KDM4B: variants seen among roughly 807,000 people sequenced by gnomAD.
KDM4B encodes the protein lysine demethylase 4B.
Under a neutral mutation model 125.2 loss-of-function variants are expected in KDM4B, and 32 were observed. The observed-to-expected ratio is 0.26, with a 90% CI of 0.19 to 0.34. KDM4B has a LOEUF of 0.34. Among genes scored for constraint, KDM4B ranks in the 10% least tolerant of loss-of-function variants. The probability of loss-of-function intolerance (pLI) is 1.00; values close to 1 mark genes in which losing one functional copy is unlikely to be tolerated. For synonymous variants in KDM4B, 721 were observed against 677.9 expected, an observed-to-expected ratio of 1.06 and a Z score of -0.99; for missense variants, 1,190 against 1,577.7, an observed-to-expected ratio of 0.75 and a Z score of 4.16.
At chr19:5,033,553 C>T (rs1168861283) in intron 3 of KDM4B, among the ~76,000 whole-genome samples, 1 of 151,564 alleles carries the variant, frequency 6.6e-6, no homozygotes, top group Non-Finnish European at 1.5e-5. Flanking sequence ...GCGCTCCTGC[C>T]CCGGCAGCAG....
At chr19:5,050,871 G>T (rs949355452) in intron 6 of KDM4B, among the ~76,000 whole-genome samples, 1 of 152,210 alleles carries the variant, frequency 6.6e-6, no homozygotes, top group Admixed American at 6.5e-5. Flanking sequence ...CTGCACTCCA[G>T]CCTGGGCGAC....
At chr19:5,056,013 C>T (rs1413237427) in intron 6 of KDM4B, among the ~76,000 whole-genome samples, 2 of 152,184 alleles carry the variant, frequency 1.3e-5, no homozygotes, top group Admixed American at 6.5e-5. Flanking sequence ...TGAACCCATC[C>T]GGGTCCCACG....
At chr19:5,083,359 GT>G (rs983661448) in intron 9 of KDM4B, among the ~76,000 whole-genome samples, 2 of 152,198 alleles carry the variant, frequency 1.3e-5, no homozygotes, top group Non-Finnish European at 2.9e-5. Flanking sequence ...CTGCCTTGGG[GT>G]CCCAGTGACG....
At position 4,988,282 on chromosome 19, in the gene KDM4B, T is replaced by A. The variant is rs142813270; in HGVS notation, c.-109+19052T>A. 3.3e-5 allele frequency among the ~76,000 whole-genome samples: 5 copies of A among 152,214 alleles called. No homozygotes were observed. In the East Asian group the frequency reaches 7.7e-4, roughly 24 times the overall value. Reference sequence around the variant, plus strand: ...CAGCCTTCTCATGAACCCTTCTTTTTTTTTCTTTTTTGAGACGGAGTCTTG... The same window carrying A: ...CAGCCTTCTCATGAACCCTTCTTTTATTTTCTTTTTTGAGACGGAGTCTTG... On this transcript the variant is annotated intron_variant, in intron 1 of 22. Coordinates refer to ENST00000159111, the MANE Select transcript of KDM4B (RefSeq NM_015015.3).
chr19:5,132,099 T>C (rs2039568615), intron 13 of KDM4B, 92 bp downstream of exon 13: 1 of 1,417,916 alleles, frequency 7.1e-7, no homozygotes, highest in Admixed American at 2.6e-5. Context: ...GCGGCTTCCT[T>C]CCCCCACTTC....
In KDM4B at chr19:5,003,887, CTG is replaced by C. The variant is rs531781045; in HGVS notation, c.-108-12366_-108-12365del. 4.1e-3 allele frequency among the ~76,000 whole-genome samples: 620 copies of C among 152,266 alleles called. 4 individuals carry two copies. Among genetic ancestry groups the C allele is most frequent in the Admixed American group, 0.012 (178 of 15,296 alleles). ...ACACAGTCTCCGTATATGCCTGAGTCTGTGTTTGGTCTTCCTCGTCTCTCCAC... is the reference window on the plus strand; with the variant it reads ...ACACAGTCTCCGTATATGCCTGAGTCTGTTTGGTCTTCCTCGTCTCTCCAC... On this transcript the variant is annotated intron_variant, in intron 1 of 22. Transcript: ENST00000159111.
At chr19:5,148,134 G>T (rs941244759) in intron 21 of KDM4B, among the ~76,000 whole-genome samples, 3 of 152,256 alleles carry the variant, frequency 2.0e-5, no homozygotes, top group African/African-American at 7.2e-5. Flanking sequence ...CGGGCAAGAC[G>T]TCACCACAGG....
chr19:5,047,899 T>G (rs924541850), intron 6 of KDM4B, among the ~76,000 whole-genome samples: 7 of 152,188 alleles, frequency 4.6e-5, no homozygotes, highest in Admixed American at 3.3e-4. Context: ...AGCTTGCGCT[T>G]TGTACCCCGG....
rs745719594 is a variant in KDM4B, at chr19:5,035,126, G to A, written c.141+2095G>A. On this transcript the variant is annotated intron_variant, in intron 3 of 22. Coordinates refer to ENST00000159111, the MANE Select transcript of KDM4B (RefSeq NM_015015.3). This position sits in a 1 kb window ranked among gnomAD's most constrained non-coding sequence, Gnocchi z 5.3. ...TGGTCCTCCTATCTCATCTCAGACC[G>A]TCTTCTCTGGCCCTCTAGGCCACAG... Among the ~76,000 whole-genome samples, 5 of 152,176 alleles carry A rather than the reference G, an allele frequency of 3.3e-5. No individual in the cohort carries two copies. The highest frequency in any genetic ancestry group is 5.9e-5 in the Non-Finnish European group (4 of 68,024).
At chr19:5,019,928 G>GCA (rs1162464108) in intron 2 of KDM4B, among the ~76,000 whole-genome samples, 5 of 145,540 alleles carry the variant, frequency 3.4e-5, no homozygotes, top group East Asian at 2.1e-4. Context: ...ATGTTGGTGT[G>GCA]GGTGTTGGTG....
chr19:5,025,893 AT>A (rs1487737379), intron 2 of KDM4B, among the ~76,000 whole-genome samples: 2 of 150,694 alleles, frequency 1.3e-5, no homozygotes, highest in Non-Finnish European at 3.0e-5. Flanking sequence ...TTACTTATTA[AT>A]TTTTTTTGAG....
At chr19:5,125,264 GC>G (rs141273928) in intron 11 of KDM4B, among the ~76,000 whole-genome samples, 8,981 of 152,150 alleles carry the variant, frequency 0.059, 309 homozygotes, top group African/African-American at 0.076. Context: ...ACCCTCCCCA[GC>G]CCCGGCGTTA....
intron 6 of KDM4B, among the ~76,000 whole-genome samples, chr19:5,070,081 G>A (rs1200948874): frequency 6.6e-6 from 1 of 152,170 alleles, no homozygotes; most frequent in African/African-American, 2.4e-5. Flanking sequence ...AACGGGAGCT[G>A]TTGGCCTTGT....
intron 9 of KDM4B, among the ~76,000 whole-genome samples, chr19:5,083,665 C>T (rs943913164): frequency 1.3e-5 from 2 of 152,196 alleles, no homozygotes; most frequent in African/African-American, 4.8e-5. Context: ...TCCTCCCAGC[C>T]CCTCTGTCTT....
At chr19:4,976,247 C>G (rs1192049819) in intron 1 of KDM4B, among the ~76,000 whole-genome samples, 1 of 110,038 alleles carries the variant, frequency 9.1e-6, no homozygotes, top group East Asian at 4.3e-4. Context: ...GAAACTCAGT[C>G]TCAAAAAAAA....
chr19:5,133,574 G>C (rs2039595884), intron 13 of KDM4B, among the ~76,000 whole-genome samples: 1 of 152,242 alleles, frequency 6.6e-6, no homozygotes, highest in Non-Finnish European at 1.5e-5. Flanking sequence ...TGGATGTCCA[G>C]GGAGAACCAG....
intron 21 of KDM4B, among the ~76,000 whole-genome samples, chr19:5,146,348 T>G (rs1242722386): frequency 3.9e-5 from 6 of 152,330 alleles, no homozygotes; most frequent in African/African-American, 1.4e-4. Flanking sequence ...GTCACCACTC[T>G]CGGACCTTGC....
chr19:5,101,864 C>T (rs547149187), intron 9 of KDM4B, among the ~76,000 whole-genome samples: 1 of 152,302 alleles, frequency 6.6e-6, no homozygotes, highest in African/African-American at 2.4e-5. Context: ...AGGGAGTAGC[C>T]CTCCAGCCTC....
chr19:5,100,647 C>G (rs1047513779), intron 9 of KDM4B, among the ~76,000 whole-genome samples: 1 of 152,110 alleles, frequency 6.6e-6, no homozygotes, highest in Non-Finnish European at 1.5e-5. Context: ...TTGAACTGAC[C>G]TCAAGTGATC....
Sources: gnomAD v4.1 joint callset for allele counts (sites outside exome capture counted in the v4.1 genomes callset) on GRCh38, gnomAD v4.1.1 for gene constraint, Gnocchi (gnomAD v3.1) non-coding constraint, MANE v1.5 for transcripts, NCBI Gene and HGNC (gene_info 2026-07-23, HGNC 2026-07-21) for gene names.